NNT: variants seen among roughly 807,000 people sequenced by gnomAD.
The protein encoded by NNT is NAD(P) transhydrogenase, mitochondrial.
Under a neutral mutation model 104.8 loss-of-function variants are expected in NNT, and 50 were observed. The ratio of observed to expected loss-of-function variants is 0.48; its 90% confidence interval spans 0.38 to 0.60. The LOEUF (loss-of-function observed/expected upper bound fraction) is 0.60. Ranked by LOEUF, NNT falls within the 20% of genes least tolerant of loss-of-function variation. NNT has a pLI of 0.00. For missense variants in NNT, 1,131 were observed against 1,330.7 expected (o/e 0.85, Z 2.33); for synonymous variants, 461 against 490.4 (o/e 0.94, Z 0.79).
intron 4 of NNT, among the ~76,000 whole-genome samples, chr5:43,617,929 A>T (rs1212954321): frequency 2.0e-5 from 3 of 152,212 alleles, no homozygotes; most frequent in Non-Finnish European, 2.9e-5. Flanking sequence ...CAATTATTGT[A>T]TCAAGTATTA....
chr5:43,637,779 A>G lies in NNT; in HGVS notation c.965-6413A>G, dbSNP rs1323618161. Among the ~76,000 whole-genome samples, 4 of 152,158 alleles carry G rather than the reference A, an allele frequency of 2.6e-5. No individual in the cohort carries two copies. The South Asian group carries it at 6.2e-4, about 24-fold the overall frequency. On this transcript the variant is annotated intron_variant, in intron 7 of 21. Transcript: ENST00000344920. The stretch of plus-strand genomic sequence containing the variant: ...CCTTAGCACATTTTCCCTCATTTAT[A>G]TTAACCTTGATTGATTTATGACCAT...
chr5:43,611,861 T>A (rs1749514193), intron 2 of NNT, among the ~76,000 whole-genome samples: 1 of 152,198 alleles, frequency 6.6e-6, no homozygotes, highest in Admixed American at 6.5e-5. Flanking sequence ...GAGAAACTGA[T>A]GTCCTGTAGC....
chr5:43,655,862 C>T lies in NNT; in HGVS notation c.2082C>T (p.Ile694=), dbSNP rs745758453. 6 of 1,614,030 alleles carry T rather than the reference C, an allele frequency of 3.7e-6. No homozygotes were observed. In the South Asian group the frequency reaches 6.6e-5, roughly 18 times the overall value. Residue 694 remains isoleucine, a synonymous_variant, in exon 15 of 22, where the codon ATC becomes ATT. Transcript: ENST00000344920. ...CAGGATTGACAATTGCCAAACGCAT[C>T]CAGATTTCTGATTTACCTCAATTAG... ...GTIGLTIAKR[I]QISDLPQLVA...
At chr5:43,667,528 T>C (rs900188449) in intron 17 of NNT, among the ~76,000 whole-genome samples, 1 of 152,208 alleles carries the variant, frequency 6.6e-6, no homozygotes, top group African/African-American at 2.4e-5. Flanking sequence ...TTTGGTTTTT[T>C]GTTCTTGCGA....
At chr5:43,658,977 T>C (rs1220761606) in intron 16 of NNT, among the ~76,000 whole-genome samples, 194 bp from the exon 17 acceptor site, 1 of 151,404 alleles carries the variant, frequency 6.6e-6, no homozygotes, top group Non-Finnish European at 1.5e-5. Context: ...TTTAGGGGGG[T>C]GGGTGGCTCA....
chr5:43,631,841 C>T (rs1750691995), intron 7 of NNT, among the ~76,000 whole-genome samples: 1 of 151,894 alleles, frequency 6.6e-6, no homozygotes, highest in African/African-American at 2.4e-5. Flanking sequence ...CTAAGCCTTT[C>T]TTGTTTTCTG....
At chr5:43,700,068 T>C (rs751131568) in intron 19 of NNT, 51 bp from the exon 20 acceptor site, 8 of 1,431,102 alleles carry the variant, frequency 5.6e-6, no homozygotes, top group Non-Finnish European at 7.8e-6. Context: ...GGGGTCTCTG[T>C]ACATTATGTC....
intron 7 of NNT, among the ~76,000 whole-genome samples, chr5:43,639,583 C>T (rs1751111274): frequency 6.6e-6 from 1 of 152,092 alleles, no homozygotes; most frequent in Non-Finnish European, 1.5e-5. Context: ...ATATTAGACT[C>T]TAGAGCCTAA....
intron 2 of NNT, among the ~76,000 whole-genome samples, chr5:43,609,903 A>G (rs187884381): frequency 5.3e-5 from 8 of 152,270 alleles, no homozygotes; most frequent in South Asian, 2.1e-4. Flanking sequence ...AGCCATCGTC[A>G]TCTGTCACCT....
At chr5:43,623,664 AC>A (rs1340619548) in intron 5 of NNT, among the ~76,000 whole-genome samples, 1 of 152,230 alleles carries the variant, frequency 6.6e-6, no homozygotes, top group African/African-American at 2.4e-5. Flanking sequence ...TTAGAATGCC[AC>A]ACTGGGACTT....
At position 43,705,819 on chromosome 5, in the gene NNT, T is replaced by A. The variant is rs1743079645; in HGVS notation, c.*1415T>A. On this transcript the variant is annotated 3_prime_UTR_variant, in exon 22 of 22. Transcript: ENST00000344920. ...TTTGTGTGTTAAAGCAGAAAAGACT[T>A]TTTTAAAAGTTTTAAGTGATAAATG... 2 of 151,862 alleles carry A rather than the reference T, an allele frequency of 1.3e-5. No individual in the cohort carries two copies. The highest frequency in any genetic ancestry group is 4.8e-5 in the African/African-American group (2 of 41,350). The allele number at this position is 151,862 out of a possible 1,614,324, so 9.4% of individuals were successfully genotyped here. A position where few individuals can be genotyped will look rare whatever the true frequency, so the allele number is the denominator to read the frequency against.
At chr5:43,666,160 G>C (rs966191308) in intron 17 of NNT, among the ~76,000 whole-genome samples, 2 of 152,116 alleles carry the variant, frequency 1.3e-5, no homozygotes, top group African/African-American at 4.8e-5. Flanking sequence ...GGGCGGCCAG[G>C]CAGAGACACT....
At chr5:43,622,468 A>C (rs1017017339) in intron 5 of NNT, among the ~76,000 whole-genome samples, 1 of 152,094 alleles carries the variant, frequency 6.6e-6, no homozygotes, top group Non-Finnish European at 1.5e-5. Context: ...GGATCTCACT[A>C]TGTTGCTTAG....
At chr5:43,655,701 G>A (rs989155257) in intron 14 of NNT, 139 bp from the exon 15 acceptor site, 1 of 656,158 alleles carries the variant, frequency 1.5e-6, no homozygotes, top group African/African-American at 1.8e-5. Context: ...TACAGCCCCT[G>A]TAGAGAATAT....
intron 2 of NNT, 133 bp from the exon 3 acceptor site, chr5:43,612,775 G>A: frequency 1.6e-6 from 1 of 633,608 alleles, no homozygotes. Flanking sequence ...ACATCATTCT[G>A]AACAGCAGCT....
chr5:43,606,001 A>G (rs1749208872), intron 1 of NNT, among the ~76,000 whole-genome samples: 1 of 152,224 alleles, frequency 6.6e-6, no homozygotes, highest in South Asian at 2.1e-4. Flanking sequence ...TTATAGCATT[A>G]CAAAGTCTCA....
intron 17 of NNT, among the ~76,000 whole-genome samples, chr5:43,673,250 G>A (rs139827320): frequency 0.014 from 2,153 of 152,232 alleles, 43 homozygotes; most frequent in African/African-American, 0.044. Context: ...GCAATGCCTC[G>A]CCCTGCTTTG....
Position 43,673,887 on chromosome 5 carries a change from G to T in NNT, c.2635-1624G>T, listed in dbSNP as rs1035638660. Among the ~76,000 whole-genome samples the T allele has an allele frequency of 1.1e-4, 17 of 152,142 alleles. 1 individual carries two copies. Among genetic ancestry groups the T allele is most frequent in the African/African-American group, 3.1e-4 (13 of 41,498 alleles). On this transcript the variant is annotated intron_variant, in intron 17 of 21. Coordinates refer to ENST00000344920, the MANE Select transcript of NNT (RefSeq NM_182977.3). ...TATAAAAAGTTAGCCAGGTGTGGTG[G>T]CATGCACCTGTAATCCCCACTACTC...
At chr5:43,677,653 AGAGAGAAGTTGTACTT>A (rs768179295) in intron 18 of NNT, 56 bp from the exon 19 acceptor site, 225 of 1,332,518 alleles carry the variant, frequency 1.7e-4, no homozygotes, top group Non-Finnish European at 2.3e-4. Flanking sequence ...GTTTTCATCA[AGAGAGAAGTTGTACTT>A]CATGTAATTT....
Sources: gnomAD v4.1 joint callset for allele counts (sites outside exome capture counted in the v4.1 genomes callset) on GRCh38, gnomAD v4.1.1 for gene constraint, MANE v1.5 for transcripts, NCBI Gene and HGNC (gene_info 2026-07-23, HGNC 2026-07-21) for gene names.